Variants in UTRN observed in about 807,000 individuals in gnomAD.
The protein encoded by UTRN is utrophin.
Under a neutral mutation model 463.9 loss-of-function variants are expected in UTRN, and 283 were observed. The observed-to-expected ratio is 0.61, with a 90% confidence interval of 0.55 to 0.67. The LOEUF (loss-of-function observed/expected upper bound fraction) is 0.67, where lower values mean the gene tolerates loss of function less well. Among genes scored for constraint, UTRN ranks in the 30% least tolerant of loss-of-function variants. The probability of loss-of-function intolerance (pLI) is 0.00; values close to 1 mark genes in which losing one functional copy is unlikely to be tolerated. For missense variants in UTRN, 3,922 were observed against 4,084.3 expected (o/e 0.96, Z 1.08); for synonymous variants, 1,442 against 1,431.5 (o/e 1.01, Z -0.17).
chr6:144,767,354 G>A (rs1289191849), intron 58 of UTRN, among the ~76,000 whole-genome samples: 2 of 152,192 alleles, frequency 1.3e-5, no homozygotes, highest in Non-Finnish European at 2.9e-5. Flanking sequence ...CAAGGGAGAT[G>A]AGGTTATTTG....
chr6:144,547,780 T>A (rs1534444), intron 46 of UTRN, among the ~76,000 whole-genome samples: 41,592 of 152,048 alleles, frequency 0.27, 6,190 homozygotes, highest in East Asian at 0.6. Flanking sequence ...TATCAAAAAA[T>A]AATTTGACTG....
intron 51 of UTRN, among the ~76,000 whole-genome samples, chr6:144,580,211 A>ATGGTGGTGGCAG (rs1554295604): frequency 1.6e-5 from 2 of 128,524 alleles, no homozygotes; most frequent in South Asian, 3.0e-4. Flanking sequence ...TTCTGGTGGC[A>ATGGTGGTGGCAG]TGGTGGTGGC....
intron 51 of UTRN, among the ~76,000 whole-genome samples, chr6:144,578,985 A>G (rs1562599608): frequency 6.6e-6 from 1 of 152,194 alleles, no homozygotes; most frequent in Non-Finnish European, 1.5e-5. Flanking sequence ...AAAGTTACAC[A>G]ATTTGAAAAA....
intron 53 of UTRN, among the ~76,000 whole-genome samples, chr6:144,726,066 T>C (rs1348671394): frequency 6.6e-6 from 1 of 152,082 alleles, no homozygotes; most frequent in Non-Finnish European, 1.5e-5. Flanking sequence ...CGGAGTTTAA[T>C]GTGGTTAGGA....
intron 33 of UTRN, 86 bp from the exon 34 acceptor site, chr6:144,499,171 G>A (rs922689340): frequency 1.4e-6 from 2 of 1,407,068 alleles, no homozygotes; most frequent in Non-Finnish European, 1.9e-6. Flanking sequence ...GAATCAGTTT[G>A]GATCTTTAGT....
At chr6:144,606,956 T>A (rs1804916955) in intron 51 of UTRN, among the ~76,000 whole-genome samples, 1 of 152,234 alleles carries the variant, frequency 6.6e-6, no homozygotes, top group East Asian at 1.9e-4. Flanking sequence ...GGGCTGTGGC[T>A]CCACCACATG....
chr6:144,831,443 T>C (rs1414291343), intron 69 of UTRN, among the ~76,000 whole-genome samples: 1 of 152,032 alleles, frequency 6.6e-6, no homozygotes, highest in Non-Finnish European at 1.5e-5. Context: ...GCAGGTGACC[T>C]CAAGGTGCTA....
chr6:144,834,001 T>A (rs1401239877), intron 69 of UTRN, among the ~76,000 whole-genome samples: 2 of 152,160 alleles, frequency 1.3e-5, no homozygotes, highest in Non-Finnish European at 2.9e-5. Context: ...CTTCTTCTCG[T>A]CCTTCTAAAC....
chr6:144,405,661 C>T (rs890311087), intron 3 of UTRN, among the ~76,000 whole-genome samples: 12 of 152,162 alleles, frequency 7.9e-5, no homozygotes, highest in African/African-American at 2.9e-4. Flanking sequence ...GAAATCCAAA[C>T]AGACACTGAT....
chr6:144,758,942 G>T (rs1792324812), intron 58 of UTRN, among the ~76,000 whole-genome samples: 1 of 151,962 alleles, frequency 6.6e-6, no homozygotes, highest in African/African-American at 2.4e-5. Context: ...CTAACATGGG[G>T]TGTGGTATCT....
chr6:144,647,089 G>A (rs564985244), intron 51 of UTRN, among the ~76,000 whole-genome samples: 1 of 152,250 alleles, frequency 6.6e-6, no homozygotes, highest in African/African-American at 2.4e-5. Context: ...ACACACTCTG[G>A]AAAGAAAGAA....
At chr6:144,582,344 T>G (rs973307767) in intron 51 of UTRN, among the ~76,000 whole-genome samples, 4 of 152,238 alleles carry the variant, frequency 2.6e-5, no homozygotes, top group African/African-American at 9.6e-5. Flanking sequence ...TATTTCTGGC[T>G]GTGCTCTTTG....
At chr6:144,525,627 C>T (rs1796504851) in intron 41 of UTRN, among the ~76,000 whole-genome samples, 1 of 150,536 alleles carries the variant, frequency 6.6e-6, no homozygotes, top group South Asian at 2.1e-4. Flanking sequence ...TTTAGAGAAC[C>T]AGCTTTTTGT....
chr6:144,487,493 A>C, intron 28 of UTRN, 55 bp from the exon 29 acceptor site: 1 of 1,467,680 alleles, frequency 6.8e-7, no homozygotes, highest in African/African-American at 1.4e-5. Flanking sequence ...GGGATCCTTG[A>C]TACCTTTTGC....
rs572425789 is a variant in UTRN at position 144,717,920 on chromosome 6, C to A, written c.7810-12437C>A. ...AAAGTGCTGGTACTACAGGCATGAG[C>A]CACTGTGCCCAGCCTGAGCCACTGC... On this transcript the variant is annotated intron_variant, in intron 53 of 74. Transcript: ENST00000367545. Among the ~76,000 whole-genome samples the A allele has an allele frequency of 1.5e-4, 23 of 152,232 alleles. No homozygotes were observed. In the East Asian group the frequency reaches 3.3e-3, roughly 22 times the overall value.
intron 2 of UTRN, among the ~76,000 whole-genome samples, chr6:144,333,631 T>TTCCCTGCATAGA (rs1183609265): frequency 6.6e-6 from 1 of 152,090 alleles, no homozygotes; most frequent in East Asian, 1.9e-4. Flanking sequence ...CAGATGAGAA[T>TTCCCTGCATAGA]TCCCTGCATA....
chr6:144,420,174 G>GTATT (rs1008936062), intron 3 of UTRN, among the ~76,000 whole-genome samples: 1 of 152,098 alleles, frequency 6.6e-6, no homozygotes, highest in African/African-American at 2.4e-5. Context: ...GATAAAAGAA[G>GTATT]TATTGGTTAA....
chr6:144,462,368 A>G (rs1300199729), intron 22 of UTRN, among the ~76,000 whole-genome samples: 1 of 152,092 alleles, frequency 6.6e-6, no homozygotes, highest in Non-Finnish European at 1.5e-5. Context: ...GCTGCAATGA[A>G]CATAGTGTGC....
At chr6:144,547,902 A>G (rs1209731667) in intron 46 of UTRN, among the ~76,000 whole-genome samples, 1 of 152,204 alleles carries the variant, frequency 6.6e-6, no homozygotes, top group East Asian at 1.9e-4. Flanking sequence ...GAATTTACAG[A>G]TTGGCTATAC....
Sources: allele counts gnomAD v4.1 joint callset (sites outside exome capture counted in the v4.1 genomes callset), GRCh38; gene constraint gnomAD v4.1.1; transcripts MANE v1.5; gene names NCBI Gene and HGNC (gene_info 2026-07-23, HGNC 2026-07-21).